Variants in SOX6 observed in about 807,000 individuals in gnomAD.
The protein encoded by SOX6 is SRY-box transcription factor 6.
In SOX6, 11 loss-of-function variants were observed where a neutral mutation model predicts 97.8. The observed-to-expected ratio is 0.11, with a 90% CI of 0.07 to 0.19. SOX6 has a LOEUF of 0.19. SOX6 is among the 10% of genes least tolerant of loss of function. The probability of loss-of-function intolerance (pLI) is 1.00; values close to 1 mark genes in which losing one functional copy is unlikely to be tolerated. For synonymous variants in SOX6, 360 were observed against 371.4 expected (o/e 0.97, Z 0.35); for missense variants, 810 against 1,039.5 (o/e 0.78, Z 3.04).
intron 6 of SOX6, among the ~76,000 whole-genome samples, chr11:16,162,641 GCA>G (rs1850781167): frequency 6.6e-6 from 1 of 152,198 alleles, no homozygotes; most frequent in Non-Finnish European, 1.5e-5. Flanking sequence ...AAAAAGCCAA[GCA>G]GATGCCCAGT....
intron 4 of SOX6, among the ~76,000 whole-genome samples, chr11:16,193,459 A>T (rs1263933759): frequency 2.0e-5 from 3 of 152,218 alleles, no homozygotes; most frequent in Admixed American, 1.3e-4. Context: ...CATTCTCTAG[A>T]AACATGTCCC....
intron 4 of SOX6, among the ~76,000 whole-genome samples, chr11:16,536,716 G>A (rs1861314204): frequency 6.6e-6 from 1 of 152,220 alleles, no homozygotes; most frequent in South Asian, 2.1e-4. Context: ...AGCAGTCTGA[G>A]ATCAACCTGT....
intron 4 of SOX6, among the ~76,000 whole-genome samples, chr11:16,512,708 C>G (rs920438671): frequency 2.0e-5 from 3 of 152,150 alleles, no homozygotes; most frequent in East Asian, 1.9e-4. Flanking sequence ...GAAAAAATTA[C>G]TGACACACTA....
At chr11:15,979,450 C>A (rs1796604515) in intron 15 of SOX6, among the ~76,000 whole-genome samples, 1 of 152,028 alleles carries the variant, frequency 6.6e-6, no homozygotes, top group African/African-American at 2.4e-5. Context: ...GTGATCCTTT[C>A]AAAACCTAAG....
At chr11:16,408,420 GA>G (rs5789952) in intron 1 of SOX6, among the ~76,000 whole-genome samples, 51,153 of 151,948 alleles carry the variant, frequency 0.34, 9,111 homozygotes, top group Non-Finnish European at 0.4. Context: ...CCATTCACCT[GA>G]TTCTATCATT....
At chr11:16,552,103 AC>A (rs1469838049) in intron 4 of SOX6, among the ~76,000 whole-genome samples, 2 of 125,560 alleles carry the variant, frequency 1.6e-5, no homozygotes. Flanking sequence ...TTGTATACAG[AC>A]AACCACTATA....
intron 4 of SOX6, among the ~76,000 whole-genome samples, chr11:16,209,524 A>C (rs1852163414): frequency 6.6e-6 from 1 of 152,094 alleles, no homozygotes; most frequent in African/African-American, 2.4e-5. Context: ...GGGAGGCCGA[A>C]GTGGGAGGAT....
rs140274136 is a variant in SOX6, at chr11:16,458,694, T to C, written c.-5+17621A>G. ...ACTTCTGCCTCTGGCCAAGATGGAC[T>C]AACAGCGACCAGATTTATCCTGCTG... On this transcript the variant is annotated intron_variant, in intron 1 of 15. Transcript: ENST00000396356. Among the ~76,000 whole-genome samples the C allele has an allele frequency of 7.3e-3, 1,113 of 152,202 alleles. 16 individuals carry two copies. The highest frequency in any genetic ancestry group is 0.024 in the African/African-American group (996 of 41,570).
chr11:16,089,447 T>G (rs1210857530), intron 9 of SOX6, among the ~76,000 whole-genome samples: 1 of 152,134 alleles, frequency 6.6e-6, no homozygotes, highest in East Asian at 1.9e-4. Context: ...TAGTGCTTGT[T>G]TATTTACATA....
chr11:16,237,639 CTGAG>C (rs1853065268), intron 3 of SOX6, among the ~76,000 whole-genome samples: 1 of 151,944 alleles, frequency 6.6e-6, no homozygotes, highest in Non-Finnish European at 1.5e-5. Context: ...TAAGATCACA[CTGAG>C]TGGCTTTAAC....
chr11:16,607,054 A>C lies in SOX6; in HGVS notation n.609+5027T>G, dbSNP rs966872354. The C allele has an allele frequency of 6.6e-6, 1 of 150,664 alleles. No individual in the cohort carries two copies. Among genetic ancestry groups the C allele is most frequent in the East Asian group, 2.0e-4 (1 of 5,080 alleles). 9.3% of individuals were successfully genotyped at this position (150,664 alleles called of 1,614,324 possible). On this transcript the variant is annotated intron_variant and non_coding_transcript_variant, in intron 4 of 5. Transcript: ENST00000524520. The surrounding 1 kb of genome is among the most constrained non-coding windows in gnomAD (Gnocchi z 6.5). ...TTCCCCTCCCCAGCCAAGTACGCAAACCCGCCCCGGCCCGGCAGCCGCGGC... is the reference window on the plus strand; with the variant it reads ...TTCCCCTCCCCAGCCAAGTACGCAACCCCGCCCCGGCCCGGCAGCCGCGGC...
chr11:16,737,075 T>TA (rs1214547918), intron 1 of SOX6, among the ~76,000 whole-genome samples: 1 of 152,224 alleles, frequency 6.6e-6, no homozygotes, highest in Non-Finnish European at 1.5e-5. Flanking sequence ...GAAATCTAGG[T>TA]AAGTAATATT....
intron 3 of SOX6, chr11:16,317,910 A>G (rs1220082299): frequency 2.2e-6 from 1 of 447,886 alleles, no homozygotes; most frequent in Non-Finnish European, 4.5e-6. Context: ...TAGAGAAGGT[A>G]GATGTGGGAT....
At chr11:16,357,358 A>G (rs1488047096), upstream of SOX6, among the ~76,000 whole-genome samples, 1 of 152,146 alleles carries the variant, frequency 6.6e-6, no homozygotes, top group African/African-American at 2.4e-5. Context: ...TCAACTAGAA[A>G]TACGATTTCT....
chr11:16,735,940 A>G (rs1317339120), intron 2 of SOX6, among the ~76,000 whole-genome samples: 1 of 152,058 alleles, frequency 6.6e-6, no homozygotes, highest in East Asian at 1.9e-4. Flanking sequence ...CCTGGTTGAG[A>G]GCACGTACTC....
At position 15,972,745 on chromosome 11, in the gene SOX6, A is replaced by G; in HGVS notation, c.*64T>C. 1.3e-6 allele frequency: 2 copies of G among 1,574,334 alleles called. No individual in the cohort carries two copies. The highest frequency in any genetic ancestry group is 1.7e-6 in the Non-Finnish European group (2 of 1,144,772). ...GCCACAAATGCATGCGGGCTCTTTA[A>G]TAACTCTTTGTTGGGGAGGGGGGTG... On this transcript the variant is annotated 3_prime_UTR_variant, in exon 16 of 16. Transcript: ENST00000683767.
chr11:16,710,624 C>T lies in SOX6; in HGVS notation n.429+4206G>A, dbSNP rs535309175. Among the ~76,000 whole-genome samples, 1,175 of 152,020 alleles carry T rather than the reference C, an allele frequency of 7.7e-3. 15 individuals carry two copies. The highest frequency in any genetic ancestry group is 0.027 in the African/African-American group (1,121 of 41,444). ...CTTAGCCTCCAGTGTTGAACTACCTCTTTTATCTGACTTACAAGTTATAGG... is the reference window on the plus strand; with the variant it reads ...CTTAGCCTCCAGTGTTGAACTACCTTTTTTATCTGACTTACAAGTTATAGG... On this transcript the variant is annotated intron_variant and non_coding_transcript_variant, in intron 3 of 5. Transcript: ENST00000524520.
At chr11:16,702,893 AAT>A (rs1848105312) in intron 3 of SOX6, among the ~76,000 whole-genome samples, 1 of 149,780 alleles carries the variant, frequency 6.7e-6, no homozygotes, top group Non-Finnish European at 1.5e-5. Context: ...AACTACCTAA[AAT>A]ATATATACAT....
intron 1 of SOX6, among the ~76,000 whole-genome samples, chr11:16,437,763 T>C (rs1167750115): frequency 7.0e-6 from 1 of 142,282 alleles, no homozygotes. Flanking sequence ...GAAAATTATT[T>C]AACTTGTCTG....
Sources: allele counts gnomAD v4.1 joint callset (sites outside exome capture counted in the v4.1 genomes callset), GRCh38; gene constraint gnomAD v4.1.1; non-coding constraint Gnocchi (gnomAD v3.1); transcripts MANE v1.5; gene names NCBI Gene and HGNC (gene_info 2026-07-23, HGNC 2026-07-21).